The following AGBL4 variants were observed in gnomAD, a reference collection of about 807,000 sequenced individuals.
AGBL4 encodes the protein cytosolic carboxypeptidase 6.
In AGBL4, 58 loss-of-function variants were observed where a neutral mutation model predicts 66.4. The observed-to-expected ratio is 0.87, with a 90% CI of 0.71 to 1.09. The LOEUF is 1.09. Among genes scored for constraint, AGBL4 ranks in the 50% least tolerant of loss-of-function variants. The pLI, the probability that AGBL4 is intolerant of heterozygous loss-of-function variation, is 0.00. For missense variants in AGBL4, 579 were observed against 631.0 expected, an observed-to-expected ratio of 0.92 and a Z score of 0.88; for synonymous variants, 234 against 222.9, an observed-to-expected ratio of 1.05 and a Z score of -0.44.
At chr1:49,206,902 AGAGGAGAG>A (rs1303654320) in intron 4 of AGBL4, among the ~76,000 whole-genome samples, 7 of 146,954 alleles carry the variant, frequency 4.8e-5, no homozygotes, top group African/African-American at 1.8e-4. Flanking sequence ...AGAGGAGAGG[AGAGGAGAG>A]GAGAGGAGAG....
At chr1:49,242,770 T>C (rs1482142535) in intron 4 of AGBL4, among the ~76,000 whole-genome samples, 1 of 151,886 alleles carries the variant, frequency 6.6e-6, no homozygotes, top group Non-Finnish European at 1.5e-5. Flanking sequence ...GGCAGAAAAC[T>C]TCTGAATCTT....
chr1:48,647,653 G>C (rs939198041), intron 8 of AGBL4: 1 of 435,862 alleles, frequency 2.3e-6, no homozygotes, highest in Non-Finnish European at 4.5e-6. Flanking sequence ...TTGTTGTACG[G>C]AGATGGAAAG....
At chr1:49,511,569 A>G (rs535686386) in intron 3 of AGBL4, among the ~76,000 whole-genome samples, 44 of 151,774 alleles carry the variant, frequency 2.9e-4, no homozygotes, top group Non-Finnish European at 5.7e-4. Context: ...ACTAACCTGC[A>G]CAATGTGCAC....
At chr1:48,798,305 C>G (rs1645736319) in intron 6 of AGBL4, among the ~76,000 whole-genome samples, 1 of 152,114 alleles carries the variant, frequency 6.6e-6, no homozygotes, top group African/African-American at 2.4e-5. Flanking sequence ...ATGTCCTTAG[C>G]CTACTTTTTG....
At chr1:49,259,462 AT>A (rs1454800431) in intron 3 of AGBL4, among the ~76,000 whole-genome samples, 1 of 151,806 alleles carries the variant, frequency 6.6e-6, no homozygotes, top group Non-Finnish European at 1.5e-5. Flanking sequence ...ATGGAGGAAG[AT>A]CTACCAAGCA....
chr1:48,603,949 AAACAACAACAAC>A (rs573631069), intron 9 of AGBL4, among the ~76,000 whole-genome samples: 1 of 151,584 alleles, frequency 6.6e-6, no homozygotes, highest in African/African-American at 2.4e-5. Flanking sequence ...AAAAACAACA[AAACAACAACAAC>A]AACAACAACA....
chr1:48,631,919 G>C (rs991458111), intron 9 of AGBL4, among the ~76,000 whole-genome samples: 3 of 152,124 alleles, frequency 2.0e-5, no homozygotes, highest in African/African-American at 7.2e-5. Context: ...TTGTGCTTTT[G>C]TTCTTGGTAA....
intron 3 of AGBL4, among the ~76,000 whole-genome samples, chr1:49,285,282 A>G (rs1407451417): frequency 6.6e-6 from 1 of 152,206 alleles, no homozygotes; most frequent in African/African-American, 2.4e-5. Context: ...TGGATACATA[A>G]CGAAATGAAG....
chr1:49,069,256 T>C (rs1208962575), intron 4 of AGBL4, among the ~76,000 whole-genome samples: 1 of 152,238 alleles, frequency 6.6e-6, no homozygotes, highest in African/African-American at 2.4e-5. Flanking sequence ...TTTGTCTATT[T>C]TGGCTTTTGT....
chr1:49,196,738 G>T (rs1286917333), intron 4 of AGBL4, among the ~76,000 whole-genome samples: 1 of 151,804 alleles, frequency 6.6e-6, no homozygotes, highest in East Asian at 1.9e-4. Context: ...TTTTGGTGGG[G>T]TGAGACTTTT....
intron 6 of AGBL4, among the ~76,000 whole-genome samples, chr1:48,845,281 C>G (rs1022878529): frequency 2.0e-5 from 3 of 152,166 alleles, no homozygotes; most frequent in Non-Finnish European, 4.4e-5. Flanking sequence ...CTAATCGGAA[C>G]AAGGTGACTT....
At chr1:49,639,632 A>G (rs1645742880) in intron 3 of AGBL4, among the ~76,000 whole-genome samples, 1 of 152,182 alleles carries the variant, frequency 6.6e-6, no homozygotes, top group African/African-American at 2.4e-5. Context: ...GAGTCTTCCA[A>G]ATCCCAGGCA....
chr1:48,937,667 TA>T (rs1406798497), intron 5 of AGBL4, among the ~76,000 whole-genome samples: 1 of 152,170 alleles, frequency 6.6e-6, no homozygotes, highest in African/African-American at 2.4e-5. Context: ...TTAATGGAAA[TA>T]AAATAACCAA....
At chr1:49,700,374 T>C (rs1647068087) in intron 2 of AGBL4, among the ~76,000 whole-genome samples, 1 of 151,076 alleles carries the variant, frequency 6.6e-6, no homozygotes, top group African/African-American at 2.4e-5. Context: ...GTAAGTAAAA[T>C]TTGACAAAAT....
At chr1:48,684,196 C>A (rs995778344) in intron 6 of AGBL4, among the ~76,000 whole-genome samples, 2 of 152,238 alleles carry the variant, frequency 1.3e-5, no homozygotes, top group African/African-American at 4.8e-5. Flanking sequence ...CTGAGCATCA[C>A]AAAGTGCTCT....
At chr1:48,604,894 A>G (rs763904507) in intron 9 of AGBL4, among the ~76,000 whole-genome samples, 1 of 152,236 alleles carries the variant, frequency 6.6e-6, no homozygotes, top group African/African-American at 2.4e-5. Flanking sequence ...TCCCACAACA[A>G]TGCAAGCCCC....
intron 5 of AGBL4, among the ~76,000 whole-genome samples, chr1:49,020,310 A>C (rs999811938): frequency 3.3e-5 from 5 of 152,188 alleles, no homozygotes; most frequent in African/African-American, 1.2e-4. Context: ...TTAAAGAATT[A>C]TCAGCCCTTG....
rs1391026837 is a variant in AGBL4, at chr1:49,010,727, A to T, written c.594+34857T>A. On this transcript the variant is annotated intron_variant, in intron 5 of 13. Coordinates refer to ENST00000371839, the MANE Select transcript of AGBL4 (RefSeq NM_032785.4). Reference sequence around the variant, plus strand: ...ACAGAGCCCTCAGAAATAACGCCGCATATCTACAACTATCTGATCTTTGAC... The same window carrying T: ...ACAGAGCCCTCAGAAATAACGCCGCTTATCTACAACTATCTGATCTTTGAC... 2.7e-5 allele frequency among the ~76,000 whole-genome samples: 4 copies of T among 150,428 alleles called. No homozygotes were observed. The East Asian group carries it at 7.8e-4, about 29-fold the overall frequency.
chr1:48,986,829 A>G (rs759080369), intron 5 of AGBL4, among the ~76,000 whole-genome samples: 10 of 152,096 alleles, frequency 6.6e-5, no homozygotes, highest in Non-Finnish European at 1.2e-4. Context: ...AATAATAACA[A>G]TGTAGTTTGG....
Sources: allele counts gnomAD v4.1 joint callset (sites outside exome capture counted in the v4.1 genomes callset), GRCh38; gene constraint gnomAD v4.1.1; transcripts MANE v1.5; gene names NCBI Gene and HGNC (gene_info 2026-07-23, HGNC 2026-07-21).